FBRSL1: variants seen among roughly 807,000 people sequenced by gnomAD.
FBRSL1 encodes fibrosin like 1.
A neutral mutation model predicts 89.6 loss-of-function variants in FBRSL1; 51 were observed. The observed-to-expected ratio is 0.57, with a 90% confidence interval of 0.45 to 0.72. The LOEUF is 0.72. FBRSL1 is among the 30% of genes least tolerant of loss of function. The probability of loss-of-function intolerance (pLI) is 0.00; values close to 1 mark genes in which losing one functional copy is unlikely to be tolerated. For missense variants in FBRSL1, 1,618 were observed against 1,451.8 expected (o/e 1.11, Z -1.86); for synonymous variants, 779 against 681.1 (o/e 1.14, Z -2.24).
intron 6 of FBRSL1, among the ~76,000 whole-genome samples, chr12:132,568,638 C>T (rs1163197433): frequency 2.0e-5 from 3 of 152,234 alleles, no homozygotes; most frequent in Non-Finnish European, 2.9e-5. Flanking sequence ...CTGTGCGGCC[C>T]AAGCCTCTTT....
rs188837376 is a variant in FBRSL1 at position 132,564,697 on chromosome 12, G to A, written c.646-2784G>A. 2.1e-3 allele frequency among the ~76,000 whole-genome samples: 185 copies of A among 89,428 alleles called. 13 individuals carry two copies. Among genetic ancestry groups the A allele is most frequent in the East Asian group, 0.011 (14 of 1,302 alleles). 58.7% of individuals were successfully genotyped at this position (89,428 alleles called of 152,430 possible). A position where few individuals can be genotyped will look rare whatever the true frequency, so the allele number is the denominator to read the frequency against. On this transcript the variant is annotated intron_variant, in intron 5 of 18. Coordinates refer to ENST00000680143, the MANE Select transcript of FBRSL1 (RefSeq NM_001367871.1). ...TTTTTAGTAGAGACGGGGTTTCACC[G>A]TGTTAGCCAGGATGGTCTCGATCTC...
intron 6 of FBRSL1, among the ~76,000 whole-genome samples, chr12:132,569,070 C>T (rs545017165): frequency 4.2e-4 from 64 of 152,270 alleles, no homozygotes; most frequent in African/African-American, 1.4e-3. Context: ...GTTTCTCCTG[C>T]GAAACTGGCC....
chr12:132,529,687 C>T (rs1033923507), intron 4 of FBRSL1, among the ~76,000 whole-genome samples: 1 of 147,314 alleles, frequency 6.8e-6, no homozygotes, highest in African/African-American at 2.6e-5. Flanking sequence ...GCTCTGCACC[C>T]CTGGGCTCTG....
intron 18 of FBRSL1, 26 bp downstream of exon 18, chr12:132,582,292 C>G (rs1324429887): frequency 1.9e-6 from 3 of 1,539,580 alleles, no homozygotes; most frequent in East Asian, 2.5e-5. Context: ...GTTCCGTATC[C>G]CCACCACACA....
At chr12:132,504,633 C>T (rs1386632570) in intron 1 of FBRSL1, among the ~76,000 whole-genome samples, 1 of 152,178 alleles carries the variant, frequency 6.6e-6, no homozygotes, top group African/African-American at 2.4e-5. Context: ...GCCTCCGCTG[C>T]CTCAGCCTAG....
At chr12:132,577,619 C>A (rs1040890747) in intron 15 of FBRSL1, among the ~76,000 whole-genome samples, 4 of 152,000 alleles carry the variant, frequency 2.6e-5, no homozygotes. Flanking sequence ...GTCACCCACT[C>A]CCCCGAGTCA....
intron 2 of FBRSL1, among the ~76,000 whole-genome samples, chr12:132,516,782 G>A (rs1266082795): frequency 1.3e-5 from 2 of 152,194 alleles, no homozygotes; most frequent in South Asian, 2.1e-4. Flanking sequence ...CAAGCCCAGC[G>A]GCTTGGCTTT....
chr12:132,538,489 G>A (rs914416740), intron 4 of FBRSL1, among the ~76,000 whole-genome samples: 4 of 152,186 alleles, frequency 2.6e-5, no homozygotes, highest in Non-Finnish European at 4.4e-5. Flanking sequence ...TCCAGTGGGC[G>A]ACGCAGAGCC....
chr12:132,580,904 C>T (rs1484099836), intron 15 of FBRSL1: 1 of 985,460 alleles, frequency 1.0e-6, no homozygotes, highest in Non-Finnish European at 1.2e-6. Context: ...GGTTGCTCTC[C>T]AAGGGTTGTT....
chr12:132,567,422 A>G (rs1352173314), intron 5 of FBRSL1, 59 bp from the exon 6 acceptor site: 1 of 1,515,144 alleles, frequency 6.6e-7, no homozygotes, highest in Non-Finnish European at 9.0e-7. Context: ...CATTGGGCGC[A>G]AGGTCCACGA....
intron 2 of FBRSL1, among the ~76,000 whole-genome samples, chr12:132,513,077 C>T (rs1336921021): frequency 2.0e-5 from 3 of 152,196 alleles, no homozygotes; most frequent in Admixed American, 6.5e-5. Context: ...ATGCAGATTT[C>T]GTGTGGCCAG....
intron 9 of FBRSL1, chr12:132,572,023 C>T (rs1593558051): frequency 1.8e-6 from 1 of 548,470 alleles, no homozygotes; most frequent in East Asian, 3.0e-5. Context: ...CAGGCCTCAG[C>T]CAGGCACACA....
Position 132,583,570 on chromosome 12 carries a change from C to A in FBRSL1, c.2801C>A (p.Ser934Ter). ...GGAGCCCTGCACTTCCCGCGCCTCT[C>A]GCCCGCCGCGCTGCACAATGGGCTC... ...SLGALHFPRLSPAALHNGLLA... is the reference protein window; with the variant it reads ...SLGALHFPRL The change falls in exon 19 of 19, where the codon TCG becomes TAG. Residue 934 changes from serine to a stop codon, truncating the protein, a stop_gained. Transcript: ENST00000680143. LOFTEE classifies it high-confidence loss of function. 3 of 1,020,180 alleles carry A rather than the reference C, an allele frequency of 2.9e-6. No homozygotes were observed. Among genetic ancestry groups the A allele is most frequent in the South Asian group, 3.5e-5 (1 of 28,320 alleles). The allele number at this position is 1,020,180 out of a possible 1,614,324, so 63.2% of individuals were successfully genotyped here.
intron 1 of FBRSL1, among the ~76,000 whole-genome samples, chr12:132,504,409 C>T (rs745333672): frequency 2.0e-5 from 3 of 152,190 alleles, no homozygotes; most frequent in East Asian, 1.9e-4. Flanking sequence ...AGCAATGTCA[C>T]GGCAGCCTGC....
At chr12:132,573,367 C>T (rs537190044) in intron 11 of FBRSL1, among the ~76,000 whole-genome samples, 9 of 152,318 alleles carry the variant, frequency 5.9e-5, no homozygotes, top group East Asian at 1.9e-4. Context: ...ACATCGTGGA[C>T]GGGCAGATAG....
At position 132,568,900 on chromosome 12, in the gene FBRSL1, C is replaced by T. The variant is rs80287599; in HGVS notation, c.692-1026C>T. ...GCTGCCTGTTTTCACCTGGGAGGAA[C>T]TCCTTGAGGCCCCAGAAGACCAGGC... On this transcript the variant is annotated intron_variant, in intron 6 of 18. Coordinates refer to ENST00000680143, the MANE Select transcript of FBRSL1 (RefSeq NM_001367871.1). 3.6e-3 allele frequency among the ~76,000 whole-genome samples: 551 copies of T among 152,082 alleles called. 4 individuals are homozygous for T. The highest frequency in any genetic ancestry group is 0.013 in the African/African-American group (524 of 41,480).
At chr12:132,510,054 T>C in intron 2 of FBRSL1, 1 of 1,230,940 alleles carries the variant, frequency 8.1e-7, no homozygotes, top group East Asian at 3.2e-5. Context: ...ACTCACGCCT[T>C]CACTCCTGGG....
intron 1 of FBRSL1, among the ~76,000 whole-genome samples, chr12:132,497,903 T>C (rs2032304077): frequency 6.6e-6 from 1 of 152,160 alleles, no homozygotes. Flanking sequence ...GTGCCACGCA[T>C]GTGCCTCCCC....
At chr12:132,567,409 G>A in intron 5 of FBRSL1, 72 bp from the exon 6 acceptor site, 1 of 1,458,354 alleles carries the variant, frequency 6.9e-7, no homozygotes, top group South Asian at 1.2e-5. Flanking sequence ...ACTTGTGTGT[G>A]GGCATTGGGC....
Sources: gnomAD v4.1 joint callset for allele counts (sites outside exome capture counted in the v4.1 genomes callset) on GRCh38, gnomAD v4.1.1 for gene constraint, MANE v1.5 for transcripts, NCBI Gene and HGNC (gene_info 2026-07-23, HGNC 2026-07-21) for gene names.